Variants in ARFGEF1 observed in about 807,000 individuals in gnomAD.
The protein encoded by ARFGEF1 is ARF guanine nucleotide exchange factor 1.
ARFGEF1 carries 42 observed loss-of-function variants against 231.0 expected under a neutral mutation model. That is an observed-to-expected ratio of 0.18 (90% CI 0.14 to 0.24). ARFGEF1 has a LOEUF of 0.24. Among genes scored for constraint, ARFGEF1 ranks in the 10% least tolerant of loss-of-function variants. The pLI is 1.00. For synonymous variants in ARFGEF1, 710 were observed against 732.3 expected (o/e 0.97, Z 0.49); for missense variants, 1,345 against 2,192.0 (o/e 0.61, Z 7.72).
chr8:67,247,423 A>C (rs1366663115), intron 19 of ARFGEF1, among the ~76,000 whole-genome samples: 1 of 150,694 alleles, frequency 6.6e-6, no homozygotes, highest in Non-Finnish European at 1.5e-5. Context: ...CAGGGATGCA[A>C]GGATGGTTCA....
At chr8:67,174,534 G>C (rs367641715), downstream of ARFGEF1, 1 of 152,240 alleles carries the variant, frequency 6.6e-6, no homozygotes, top group East Asian at 1.9e-4. Flanking sequence ...AGGCCGAGGC[G>C]TGTGGATCAC....
chr8:67,257,934 T>C (rs1264339487), intron 16 of ARFGEF1, 118 bp from the exon 17 acceptor site: 2 of 1,200,264 alleles, frequency 1.7e-6, no homozygotes, highest in Non-Finnish European at 2.4e-6. Flanking sequence ...ATTACAATTT[T>C]TTATGGATTT....
At chr8:67,299,066 G>A (rs1411429075) in intron 4 of ARFGEF1, 143 bp downstream of exon 4, 6 of 769,596 alleles carry the variant, frequency 7.8e-6, no homozygotes, top group Non-Finnish European at 3.8e-6. Context: ...TTACAGGCAT[G>A]AGCCACTGAG....
chr8:67,331,753 A>C (rs2128933819), intron 1 of ARFGEF1, among the ~76,000 whole-genome samples: 1 of 152,256 alleles, frequency 6.6e-6, no homozygotes, highest in East Asian at 1.9e-4. Context: ...AATGCAAAGG[A>C]AAGATGAAGT....
chr8:67,271,941 A>G lies in ARFGEF1; in HGVS notation c.1338-5T>C. The G allele has an allele frequency of 6.3e-7, 1 of 1,584,552 alleles. No homozygotes were observed. The highest frequency in any genetic ancestry group is 8.6e-7 in the Non-Finnish European group (1 of 1,161,620). ...TTGGATCGTAGTTCATGAGACCTAA[A>G]ATGTAAAAAAGAAGGCATAGTATAT... On this transcript the variant is annotated splice_region_variant and splice_polypyrimidine_tract_variant and intron_variant, in intron 9 of 38. Coordinates refer to ENST00000262215, the MANE Select transcript of ARFGEF1 (RefSeq NM_006421.5).
chr8:67,269,383 G>T, intron 10 of ARFGEF1, among the ~76,000 whole-genome samples: 1 of 129,378 alleles, frequency 7.7e-6, no homozygotes, highest in African/African-American at 3.0e-5. Context: ...ATGGAGTTTC[G>T]CTCTTGTTGA....
downstream of ARFGEF1, among the ~76,000 whole-genome samples, chr8:67,196,439 GAA>G (rs1481133590): frequency 6.6e-6 from 1 of 151,816 alleles, no homozygotes; most frequent in Non-Finnish European, 1.5e-5. Flanking sequence ...TCTAAAAAAG[GAA>G]AGAGTCATTC....
At chr8:67,327,798 A>G (rs969911332) in intron 1 of ARFGEF1, among the ~76,000 whole-genome samples, 38 of 152,198 alleles carry the variant, frequency 2.5e-4, no homozygotes, top group African/African-American at 8.9e-4. Flanking sequence ...GCTTTTTCCA[A>G]TCATTCATCT....
chr8:67,186,042 A>G (rs1274673930), intron 5 of ARFGEF1, among the ~76,000 whole-genome samples: 1 of 152,174 alleles, frequency 6.6e-6, no homozygotes. Context: ...TATGTGAAGA[A>G]TTGCTTCTGG....
At chr8:67,264,061 C>T (rs1196786265) in intron 14 of ARFGEF1, among the ~76,000 whole-genome samples, 1 of 151,996 alleles carries the variant, frequency 6.6e-6, no homozygotes, top group African/African-American at 2.4e-5. Flanking sequence ...AGCTTAGAGT[C>T]CAGCAGATCC....
chr8:67,259,284 T>C (rs1379424863), intron 15 of ARFGEF1, among the ~76,000 whole-genome samples: 1 of 152,214 alleles, frequency 6.6e-6, no homozygotes, highest in African/African-American at 2.4e-5. Flanking sequence ...TGGAGTGCAG[T>C]GGTGCAATCT....
chr8:67,309,189 T>G (rs1051284179), intron 1 of ARFGEF1, among the ~76,000 whole-genome samples: 5 of 152,164 alleles, frequency 3.3e-5, no homozygotes, highest in African/African-American at 7.2e-5. Flanking sequence ...ATGATTTTAC[T>G]TGTATGTGGA....
intron 18 of ARFGEF1, among the ~76,000 whole-genome samples, chr8:67,252,725 G>A (rs985890186): frequency 2.6e-5 from 4 of 152,198 alleles, no homozygotes; most frequent in Admixed American, 2.6e-4. Flanking sequence ...GAAGGGGGCT[G>A]GGTTCACAGT....
intron 5 of ARFGEF1, chr8:67,190,750 A>G: frequency 6.2e-7 from 1 of 1,607,902 alleles, no homozygotes; most frequent in Non-Finnish European, 8.5e-7. Flanking sequence ...AATGGAAAGG[A>G]CTAGACATTG....
At chr8:67,208,613 G>T (rs1318696259) in intron 34 of ARFGEF1, among the ~76,000 whole-genome samples, 2 of 131,452 alleles carry the variant, frequency 1.5e-5, no homozygotes, top group African/African-American at 6.0e-5. Flanking sequence ...CTGAGCGACA[G>T]AGTGAGACTC....
chr8:67,195,527 G>C (rs750186693), downstream of ARFGEF1: 1 of 1,614,204 alleles, frequency 6.2e-7, no homozygotes, highest in East Asian at 2.2e-5. Flanking sequence ...TGAACCAGGA[G>C]CAGCAGCAGA....
chr8:67,292,760 A>AT (rs1352653902), intron 5 of ARFGEF1, among the ~76,000 whole-genome samples: 24 of 152,272 alleles, frequency 1.6e-4, no homozygotes, highest in African/African-American at 5.8e-4. Flanking sequence ...TGTTAGAAAC[A>AT]TTAACTGGGA....
At chr8:67,264,175 T>C (rs976648157) in intron 14 of ARFGEF1, among the ~76,000 whole-genome samples, 7 of 151,926 alleles carry the variant, frequency 4.6e-5, no homozygotes, top group East Asian at 1.9e-4. Flanking sequence ...TAGTTAAGCA[T>C]GGGAAAAGAC....
rs1195608205 is a variant in ARFGEF1 at position 67,203,100 on chromosome 8, G to C, written c.5111C>G (p.Thr1704Ser). 1 of 1,613,550 alleles carries C rather than the reference G, an allele frequency of 6.2e-7. No individual in the cohort carries two copies. The highest frequency in any genetic ancestry group is 8.5e-7 in the Non-Finnish European group (1 of 1,179,782). Residue 1704 changes from threonine (T) to serine (S), a missense_variant, in exon 36 of 39, where the codon ACT becomes AGT. Thr to Ser is a moderately conservative substitution (Grantham distance 58, BLOSUM62 1). This residue lies in a region of ARFGEF1 where 161 missense variants were observed against 284.9 expected (regional missense o/e 0.57). Coordinates refer to ENST00000262215, the MANE Select transcript of ARFGEF1 (RefSeq NM_006421.5). ...CAGCTTACCTGCTTTCCACAGGGCAGTCCTCTGTTCGTTGTTGGAATTAAA... is the reference window on the plus strand; with the variant it reads ...CAGCTTACCTGCTTTCCACAGGGCACTCCTCTGTTCGTTGTTGGAATTAAA... ...KAFNSNNEQRTALWKAGFKGK... is the reference protein window; with the variant it reads ...KAFNSNNEQRSALWKAGFKGK...
Sources: gnomAD v4.1 joint callset for allele counts (sites outside exome capture counted in the v4.1 genomes callset) on GRCh38, gnomAD v4.1.1 for gene constraint, gnomAD v4.1.1 regional missense constraint, MANE v1.5 for transcripts, NCBI Gene and HGNC (gene_info 2026-07-23, HGNC 2026-07-21) for gene names.